Variants in EPB41L2 observed in about 807,000 individuals in gnomAD.
EPB41L2 encodes erythrocyte membrane protein band 4.1 like 2, also known as band 4.1-like protein 2.
EPB41L2 carries 43 observed loss-of-function variants against 113.0 expected under a neutral mutation model. The observed-to-expected ratio is 0.38, with a 90% CI of 0.30 to 0.49. The LOEUF is 0.49. EPB41L2 is among the 20% of genes least tolerant of loss of function. The pLI is 0.95. For synonymous variants in EPB41L2, 442 were observed against 436.7 expected, an observed-to-expected ratio of 1.01 and a Z score of -0.15; for missense variants, 1,147 against 1,223.4, an observed-to-expected ratio of 0.94 and a Z score of 0.93.
chr6:130,885,090 C>T lies in EPB41L2; in HGVS notation c.1833+6G>A. On this transcript the variant is annotated splice_donor_region_variant and intron_variant, in intron 12 of 19. Transcript: ENST00000337057. ...TAAAACCACATACTGTGCTAATTTA[C>T]CATACCTTTCCTTCAATGAGCTGCA... 1 of 1,613,876 alleles carries T rather than the reference C, an allele frequency of 6.2e-7. No individual in the cohort carries two copies. Among genetic ancestry groups the T allele is most frequent in the Non-Finnish European group, 8.5e-7 (1 of 1,179,882 alleles).
intron 19 of EPB41L2, among the ~76,000 whole-genome samples, chr6:130,852,285 A>G (rs1239626696): frequency 6.6e-5 from 10 of 152,212 alleles, no homozygotes; most frequent in Admixed American, 6.5e-4. Flanking sequence ...CAAATCTGCT[A>G]TCCTATGCTC....
In EPB41L2 at chr6:130,901,156, C is replaced by A. The variant is rs1031580914; in HGVS notation, c.954G>T (p.Arg318=). The change falls in exon 7 of 20, where the codon CGG becomes CGT. Residue 318 remains arginine, a synonymous_variant. Transcript: ENST00000337057. ...GCAGGCGGCCAGAGGCAATGTCCTG[C>A]CGGAGCTGAAGGCACAAGAAGTATC... The part of the protein sequence containing the change: ...ITRYFLCLQL[R]QDIASGRLPC... 4 of 1,613,710 alleles carry A rather than the reference C, an allele frequency of 2.5e-6. No individual in the cohort carries two copies. The highest frequency in any genetic ancestry group is 1.7e-5 in the Admixed American group (1 of 59,998).
intron 19 of EPB41L2, among the ~76,000 whole-genome samples, chr6:130,854,786 C>G (rs1779727596): frequency 6.6e-6 from 1 of 152,122 alleles, no homozygotes. Flanking sequence ...ACTGACTTGC[C>G]TAATGTCAAT....
chr6:130,873,917 C>T (rs1355976671), intron 14 of EPB41L2, among the ~76,000 whole-genome samples: 1 of 152,152 alleles, frequency 6.6e-6, no homozygotes, highest in East Asian at 1.9e-4. Flanking sequence ...AGCTTTTGGA[C>T]TGACTTAACT....
intron 4 of EPB41L2, among the ~76,000 whole-genome samples, chr6:130,909,166 T>C (rs1798595051): frequency 1.3e-5 from 2 of 152,244 alleles, no homozygotes; most frequent in African/African-American, 4.8e-5. Flanking sequence ...CACAGTCTTA[T>C]TCTGTAGAAC....
chr6:130,976,023 G>A (rs939939214), intron 1 of EPB41L2, among the ~76,000 whole-genome samples: 11 of 152,066 alleles, frequency 7.2e-5, no homozygotes, highest in African/African-American at 1.2e-4. Context: ...GCAAGACTCC[G>A]TCTCAAAAAC....
At chr6:130,863,994 TCTTA>T (rs1782937165) in intron 17 of EPB41L2, among the ~76,000 whole-genome samples, 1 of 152,244 alleles carries the variant, frequency 6.6e-6, no homozygotes, top group Non-Finnish European at 1.5e-5. Flanking sequence ...ATCTGTCCCA[TCTTA>T]ATCTCACTTG....
chr6:131,047,683 A>G (rs912083240), intron 1 of EPB41L2, among the ~76,000 whole-genome samples: 3 of 152,220 alleles, frequency 2.0e-5, no homozygotes, highest in Admixed American at 6.5e-5. Context: ...GCCAGACAGA[A>G]CCATATACAA....
chr6:130,910,228 A>G (rs925561629), intron 4 of EPB41L2, among the ~76,000 whole-genome samples: 2 of 152,194 alleles, frequency 1.3e-5, no homozygotes, highest in African/African-American at 4.8e-5. Context: ...AACACCACAC[A>G]TCTACAACCA....
At chr6:130,867,325 G>A in intron 16 of EPB41L2, 134 bp downstream of exon 16, 2 of 1,139,144 alleles carry the variant, frequency 1.8e-6, no homozygotes, top group South Asian at 3.1e-5. Flanking sequence ...TGTTGTTGAA[G>A]TACACTTACA....
chr6:131,053,253 C>G (rs1796922837), intron 1 of EPB41L2, among the ~76,000 whole-genome samples: 1 of 147,378 alleles, frequency 6.8e-6, no homozygotes, highest in Non-Finnish European at 1.5e-5. Context: ...AAAAAAAAAT[C>G]AAGAAACAAG....
chr6:130,871,582 C>T (rs1204222545), intron 14 of EPB41L2, among the ~76,000 whole-genome samples: 2 of 152,160 alleles, frequency 1.3e-5, no homozygotes, highest in African/African-American at 4.8e-5. Context: ...GCACTGTCAA[C>T]GTCTACTCAC....
intron 1 of EPB41L2, among the ~76,000 whole-genome samples, chr6:131,040,860 T>C (rs1338904): frequency 0.47 from 71,275 of 152,042 alleles, 17,864 homozygotes; most frequent in African/African-American, 0.66. Context: ...TTACAGAAAA[T>C]ACAGAGTTTA....
Position 130,854,234 on chromosome 6 carries a change from CCT to C in EPB41L2, c.*5+3895_*5+3896del, listed in dbSNP as rs1184343332. Among the ~76,000 whole-genome samples the C allele has an allele frequency of 3.3e-5, 5 of 152,260 alleles. No homozygotes were observed. The South Asian group carries it at 6.2e-4, about 19-fold the overall frequency. ...TCACACCTACCTTCCTGGAGCACATCCTCTCTGCCAAGGAGGGGGACCATGTT... is the reference window on the plus strand; with the variant it reads ...TCACACCTACCTTCCTGGAGCACATCCTCTGCCAAGGAGGGGGACCATGTT... On this transcript the variant is annotated intron_variant, in intron 19 of 19. Transcript: ENST00000337057.
intron 4 of EPB41L2, among the ~76,000 whole-genome samples, chr6:130,911,469 A>G (rs918900435): frequency 6.6e-6 from 1 of 152,154 alleles, no homozygotes; most frequent in Non-Finnish European, 1.5e-5. Flanking sequence ...GTGTATACCT[A>G]TGTAACAAAC....
intron 3 of EPB41L2, among the ~76,000 whole-genome samples, chr6:130,951,086 G>A (rs1189079717): frequency 2.0e-5 from 3 of 151,704 alleles, no homozygotes; most frequent in Non-Finnish European, 2.9e-5. Flanking sequence ...GTGAAACCCC[G>A]TCTCTACCAA....
chr6:130,847,129 C>A (rs915658862), intron 19 of EPB41L2, among the ~76,000 whole-genome samples: 1 of 152,200 alleles, frequency 6.6e-6, no homozygotes, highest in East Asian at 1.9e-4. Flanking sequence ...CTATACATAA[C>A]CACGATGGAG....
chr6:130,986,412 C>T lies in EPB41L2; in HGVS notation c.-14-29913G>A, dbSNP rs77093815. On this transcript the variant is annotated intron_variant, in intron 1 of 19. Transcript: ENST00000337057. ...AATCACATTCATATACCACTTCAAA[C>T]CCACCAGGATAGCAATATTTAAAAA... Among the ~76,000 whole-genome samples the T allele has an allele frequency of 8.5e-3, 1,294 of 151,944 alleles. 11 individuals are homozygous for T. Among genetic ancestry groups the T allele is most frequent in the Non-Finnish European group, 0.013 (897 of 67,982 alleles).
At chr6:131,046,530 C>T (rs1468783776) in intron 1 of EPB41L2, among the ~76,000 whole-genome samples, 1 of 152,230 alleles carries the variant, frequency 6.6e-6, no homozygotes, top group African/African-American at 2.4e-5. Flanking sequence ...AAAGTCTATA[C>T]TCAGCAGTAC....
Sources: allele counts gnomAD v4.1 joint callset (sites outside exome capture counted in the v4.1 genomes callset), GRCh38; gene constraint gnomAD v4.1.1; transcripts MANE v1.5; gene names NCBI Gene and HGNC (gene_info 2026-07-23, HGNC 2026-07-21).